Variants in DAB1 observed in about 807,000 individuals in gnomAD.
The protein encoded by DAB1 is DAB adaptor protein 1, also known as disabled homolog 1.
In DAB1, 15 loss-of-function variants were observed where a neutral mutation model predicts 64.6. That is an observed-to-expected ratio of 0.23 (90% CI 0.16 to 0.36). The LOEUF (loss-of-function observed/expected upper bound fraction) is 0.36. Among genes scored for constraint, DAB1 ranks in the 10% least tolerant of loss-of-function variants. The pLI is 1.00. For synonymous variants in DAB1, 235 were observed against 251.9 expected, an observed-to-expected ratio of 0.93 and a Z score of 0.64; for missense variants, 596 against 706.7, an observed-to-expected ratio of 0.84 and a Z score of 1.78.
chr1:57,779,343 C>A (rs537042470), intron 6 of DAB1, among the ~76,000 whole-genome samples: 1 of 152,130 alleles, frequency 6.6e-6, no homozygotes, highest in Non-Finnish European at 1.5e-5. Context: ...GTGACTGAAG[C>A]GAAATGAAGG....
intron 4 of DAB1, among the ~76,000 whole-genome samples, chr1:58,285,810 A>C (rs1156302870): frequency 6.6e-6 from 1 of 152,196 alleles, no homozygotes; most frequent in Non-Finnish European, 1.5e-5. Context: ...AATTAGAAAA[A>C]CCTATTTTAA....
intron 6 of DAB1, among the ~76,000 whole-genome samples, chr1:57,734,842 C>T (rs1246943631): frequency 1.3e-5 from 2 of 152,222 alleles, no homozygotes; most frequent in Non-Finnish European, 1.5e-5. Context: ...AAGCAAGCTA[C>T]ATTCAGGACT....
chr1:57,789,158 G>T (rs1026906875), intron 6 of DAB1, among the ~76,000 whole-genome samples: 3 of 152,144 alleles, frequency 2.0e-5, no homozygotes, highest in African/African-American at 7.2e-5. Context: ...AAGGAGAAAA[G>T]GTGCCAGGAA....
chr1:57,042,938 G>A (rs1647983260), intron 9 of DAB1, among the ~76,000 whole-genome samples: 1 of 151,916 alleles, frequency 6.6e-6, no homozygotes, highest in Non-Finnish European at 1.5e-5. Context: ...CATCTACCCT[G>A]CCATTTGGCC....
chr1:58,123,319 T>C (rs1009175350), intron 5 of DAB1, among the ~76,000 whole-genome samples: 7 of 152,136 alleles, frequency 4.6e-5, no homozygotes, highest in Admixed American at 3.3e-4. Context: ...GGTCTCATTG[T>C]CTGTCAGAGT....
intron 1 of DAB1, among the ~76,000 whole-genome samples, chr1:57,323,847 G>A (rs566601561): frequency 6.6e-6 from 1 of 151,818 alleles, no homozygotes; most frequent in Non-Finnish European, 1.5e-5. Flanking sequence ...GTTACCAAGG[G>A]TAATTAGAAA....
chr1:57,136,670 T>G (rs1282984947), intron 3 of DAB1, 29 bp from the exon 4 acceptor site: 4 of 1,452,784 alleles, frequency 2.8e-6, no homozygotes, highest in Non-Finnish European at 3.7e-6. Context: ...TGGTTTTTAC[T>G]TAAGTGTTTT....
intron 4 of DAB1, among the ~76,000 whole-genome samples, chr1:58,158,697 C>G (rs1282480311): frequency 6.6e-6 from 1 of 152,162 alleles, no homozygotes; most frequent in Non-Finnish European, 1.5e-5. Context: ...CTGTCTGATT[C>G]CTTCATCAAA....
intron 6 of DAB1, among the ~76,000 whole-genome samples, chr1:57,766,869 T>G (rs1649337206): frequency 7.1e-6 from 1 of 141,062 alleles, no homozygotes. Context: ...CTTTTCAGGT[T>G]CAATAATTTG....
chr1:57,181,160 G>A (rs1662886768), intron 2 of DAB1, among the ~76,000 whole-genome samples: 1 of 152,136 alleles, frequency 6.6e-6, no homozygotes, highest in African/African-American at 2.4e-5. Context: ...AAAGTGGAAG[G>A]GAAAAGAAGT....
At chr1:58,167,007 A>G (rs1655876117) in intron 4 of DAB1, among the ~76,000 whole-genome samples, 1 of 151,498 alleles carries the variant, frequency 6.6e-6, no homozygotes, top group Admixed American at 6.6e-5. Context: ...TTGGCCTCCT[A>G]AAAGTGCTAG....
At chr1:57,314,784 AC>A (rs1675051128) in intron 1 of DAB1, among the ~76,000 whole-genome samples, 1 of 151,704 alleles carries the variant, frequency 6.6e-6, no homozygotes, top group African/African-American at 2.4e-5. Context: ...ACACACACAC[AC>A]AAAGAAAGGG....
At chr1:57,754,246 G>T (rs1174086500) in intron 6 of DAB1, among the ~76,000 whole-genome samples, 1 of 152,150 alleles carries the variant, frequency 6.6e-6, no homozygotes, top group South Asian at 2.1e-4. Context: ...TTATATGCCT[G>T]GCCCCTGTAA....
At chr1:58,489,283 C>T (rs1052184436) in intron 3 of DAB1, among the ~76,000 whole-genome samples, 2 of 152,220 alleles carry the variant, frequency 1.3e-5, no homozygotes, top group Non-Finnish European at 2.9e-5. Flanking sequence ...AAACGGCACA[C>T]CAGGAGATTA....
intron 6 of DAB1, among the ~76,000 whole-genome samples, chr1:57,763,132 A>C (rs1283240928): frequency 2.0e-5 from 3 of 152,218 alleles, no homozygotes; most frequent in African/African-American, 7.2e-5. Context: ...CACATAGTCC[A>C]AATTTCTCTT....
At chr1:58,414,222 A>G (rs1411926876) in intron 3 of DAB1, among the ~76,000 whole-genome samples, 1 of 151,922 alleles carries the variant, frequency 6.6e-6, no homozygotes, top group Non-Finnish European at 1.5e-5. Flanking sequence ...GTCATCATCC[A>G]CTCAATGGCC....
chr1:58,023,665 TGTAA>T, intron 5 of DAB1, among the ~76,000 whole-genome samples: 1 of 152,328 alleles, frequency 6.6e-6, no homozygotes, highest in East Asian at 1.9e-4. Context: ...GAATAATTTA[TGTAA>T]GTCTCTTCCT....
chr1:57,288,349 G>A (rs1282206955), intron 2 of DAB1, among the ~76,000 whole-genome samples: 1 of 152,112 alleles, frequency 6.6e-6, no homozygotes, highest in African/African-American at 2.4e-5. Flanking sequence ...GAGATGTGGT[G>A]TGTTATGCAT....
chr1:57,524,451 T>C (rs1251001358), intron 7 of DAB1, among the ~76,000 whole-genome samples: 1 of 152,162 alleles, frequency 6.6e-6, no homozygotes, highest in Non-Finnish European at 1.5e-5. Flanking sequence ...AGCACATAGA[T>C]GTTTATTTCA....
Sources: allele counts gnomAD v4.1 joint callset (sites outside exome capture counted in the v4.1 genomes callset), GRCh38; gene constraint gnomAD v4.1.1; transcripts MANE v1.5; gene names NCBI Gene and HGNC (gene_info 2026-07-23, HGNC 2026-07-21).